Variants in KANK4 observed in about 807,000 individuals in gnomAD.
KANK4 encodes KN motif and ankyrin repeat domain-containing protein 4.
Under a neutral mutation model 80.8 loss-of-function variants are expected in KANK4, and 50 were observed. The ratio of observed to expected loss-of-function variants is 0.62; its 90% CI spans 0.49 to 0.78. The LOEUF (loss-of-function observed/expected upper bound fraction) is 0.78, where lower values mean the gene tolerates loss of function less well. Among genes scored for constraint, KANK4 ranks in the 30% least tolerant of loss-of-function variants. The pLI is 0.00. For missense variants in KANK4, 1,196 were observed against 1,240.1 expected (o/e 0.96, Z 0.53); for synonymous variants, 465 against 506.9 (o/e 0.92, Z 1.11).
chr1:62,285,592 G>C (rs1299723658), intron 1 of KANK4, among the ~76,000 whole-genome samples: 1 of 152,048 alleles, frequency 6.6e-6, no homozygotes, highest in African/African-American at 2.4e-5. Flanking sequence ...CCCAGAGCAG[G>C]CTGCATGCCA....
chr1:62,287,643 T>C (rs1672598483), intron 1 of KANK4, among the ~76,000 whole-genome samples: 1 of 152,126 alleles, frequency 6.6e-6, no homozygotes, highest in South Asian at 2.1e-4. Context: ...ACAGTCTAAG[T>C]GGTTTCTCTT....
At chr1:62,249,163 C>CAA (rs10695105) in intron 8 of KANK4, among the ~76,000 whole-genome samples, 7 of 136,386 alleles carry the variant, frequency 5.1e-5, no homozygotes, top group Admixed American at 7.4e-5. Context: ...AAATCTGTCT[C>CAA]AAAAAAAAAA....
chr1:62,248,333 T>C (rs1671521848), intron 8 of KANK4, among the ~76,000 whole-genome samples: 1 of 152,194 alleles, frequency 6.6e-6, no homozygotes, highest in Non-Finnish European at 1.5e-5. Flanking sequence ...TAATGCATGA[T>C]TCAGGCCACA....
Position 62,319,311 on chromosome 1 carries a change from C to G in KANK4, c.-276G>C, listed in dbSNP as rs566691168. The G allele has an allele frequency of 6.6e-6, 1 of 152,022 alleles. No homozygotes were observed. Among genetic ancestry groups the G allele is most frequent in the African/African-American group, 2.4e-5 (1 of 41,524 alleles). The allele number at this position is 152,022 out of a possible 1,614,324, so 9.4% of individuals were successfully genotyped here. A position where few individuals can be genotyped will look rare whatever the true frequency, so the allele number is the denominator to read the frequency against. On this transcript the variant is annotated 5_prime_UTR_variant, in exon 1 of 10. Transcript: ENST00000371153. ...TCTGGCCGACGGTCTCGGCCCTGGCCCCGGCGCACCCCTGCGGGCACACCC... is the reference window on the plus strand; with the variant it reads ...TCTGGCCGACGGTCTCGGCCCTGGCGCCGGCGCACCCCTGCGGGCACACCC...
chr1:62,268,363 C>G lies in KANK4; in HGVS notation c.2155G>C (p.Gly719Arg), dbSNP rs376946344. ...DAHLTCEAGQ[G>R]IPEGTCHAAQ... ...GCATGGCAGGTGCCCTCAGGGATGCCCTGCCCAGCCTCGCAGGTGAGATGG... is the reference window on the plus strand; with the variant it reads ...GCATGGCAGGTGCCCTCAGGGATGCGCTGCCCAGCCTCGCAGGTGAGATGG... Residue 719 changes from glycine (G) to arginine (R), a missense_variant, in exon 5 of 10, where the codon GGC becomes CGC. Gly to Arg is a moderately radical substitution (Grantham distance 125). This residue lies in a region of KANK4 where 1,154 missense variants were observed against 1,179.6 expected (regional missense o/e 0.98). Coordinates refer to ENST00000371153, the MANE Select transcript of KANK4 (RefSeq NM_181712.5). The G allele has an allele frequency of 3.1e-6, 5 of 1,613,976 alleles. No individual in the cohort carries two copies. The African/African-American group carries it at 5.3e-5, about 17-fold the overall frequency.
chr1:62,289,123 T>C (rs767973664), intron 1 of KANK4, among the ~76,000 whole-genome samples: 5 of 152,100 alleles, frequency 3.3e-5, no homozygotes, highest in Non-Finnish European at 5.9e-5. Context: ...AAGACATAGG[T>C]TTTAGTTTCT....
chr1:62,247,460 T>C lies in KANK4; in HGVS notation c.2883+12A>G. 1.2e-6 allele frequency: 2 copies of C among 1,613,268 alleles called. No homozygotes were observed. The highest frequency in any genetic ancestry group is 1.3e-5 in the African/African-American group (1 of 75,028). On this transcript the variant is annotated intron_variant, in intron 9 of 9. Coordinates refer to ENST00000371153, the MANE Select transcript of KANK4 (RefSeq NM_181712.5). ...CAGCAACAGCTACTTGTTAATTGCCTGTAAGTCTCACCTTGTCAGTCAGGC... is the reference window on the plus strand; with the variant it reads ...CAGCAACAGCTACTTGTTAATTGCCCGTAAGTCTCACCTTGTCAGTCAGGC...
intron 9 of KANK4, 118 bp from the exon 10 acceptor site, chr1:62,238,499 C>T: frequency 1.3e-6 from 1 of 742,490 alleles, no homozygotes; most frequent in South Asian, 1.7e-5. Context: ...TTAAGGCTTC[C>T]AGAGACCTCG....
At chr1:62,244,199 A>ATTT (rs370676636) in intron 9 of KANK4, among the ~76,000 whole-genome samples, 1 of 138,114 alleles carries the variant, frequency 7.2e-6, no homozygotes, top group Non-Finnish European at 1.6e-5. Flanking sequence ...TTTATTTTTT[A>ATTT]TTTTTTTTTT....
chr1:62,281,760 G>A (rs1377977869), intron 1 of KANK4, 126 bp from the exon 2 acceptor site: 4 of 654,926 alleles, frequency 6.1e-6, no homozygotes, highest in Non-Finnish European at 1.1e-5. Context: ...TGAGCTCACA[G>A]CCCTCCAAGG....
At chr1:62,239,749 G>C (rs61775739) in intron 9 of KANK4, among the ~76,000 whole-genome samples, 1 of 152,076 alleles carries the variant, frequency 6.6e-6, no homozygotes, top group Non-Finnish European at 1.5e-5. Context: ...CCACCTATGA[G>C]TGAGAACATG....
chr1:62,267,678 T>C (rs970471319), intron 5 of KANK4, among the ~76,000 whole-genome samples: 1 of 151,986 alleles, frequency 6.6e-6, no homozygotes, highest in African/African-American at 2.4e-5. Context: ...GGTGAGCACC[T>C]GTAGTCCCAG....
At chr1:62,289,431 AG>A (rs1266922611) in intron 1 of KANK4, among the ~76,000 whole-genome samples, 1 of 152,064 alleles carries the variant, frequency 6.6e-6, no homozygotes, top group African/African-American at 2.4e-5. Context: ...GTTGATGAGG[AG>A]GGGACTCACC....
chr1:62,306,799 GTAATA>G (rs919165771), intron 1 of KANK4, among the ~76,000 whole-genome samples: 29 of 152,242 alleles, frequency 1.9e-4, no homozygotes, highest in African/African-American at 6.3e-4. Flanking sequence ...TAGAGGAATA[GTAATA>G]TAATATAACA....
intron 9 of KANK4, among the ~76,000 whole-genome samples, chr1:62,246,455 G>A (rs1386367451): frequency 6.6e-6 from 1 of 152,166 alleles, no homozygotes; most frequent in Non-Finnish European, 1.5e-5. Context: ...AAGCCCACAT[G>A]CTGTTATTGC....
At chr1:62,240,111 A>T (rs1206850451) in intron 9 of KANK4, among the ~76,000 whole-genome samples, 1 of 152,206 alleles carries the variant, frequency 6.6e-6, no homozygotes, top group Non-Finnish European at 1.5e-5. Flanking sequence ...CAATGGTTGA[A>T]CTAGCTTACA....
rs146927673 is a variant in KANK4 at position 62,273,343 on chromosome 1, G to C, written c.1761C>G (p.Ser587Arg). The change falls in exon 3 of 10, where the codon AGC becomes AGG. Residue 587 changes from serine (S) to arginine (R), a missense_variant. Coordinates refer to ENST00000371153, the MANE Select transcript of KANK4 (RefSeq NM_181712.5). ...CLEHGYPELA[S>R]AIKQPASKLS... The stretch of plus-strand genomic sequence containing the variant: ...GCTTGGAGGCTGGCTGCTTGATGGC[G>C]CTGGCCAGCTCCGGGTACCCATGCT... The C allele has an allele frequency of 1.8e-5, 29 of 1,608,204 alleles. No homozygotes were observed. The Admixed American group carries it at 3.0e-4, about 17-fold the overall frequency.
intron 9 of KANK4, among the ~76,000 whole-genome samples, chr1:62,240,794 G>A (rs937768942): frequency 1.3e-5 from 2 of 152,142 alleles, no homozygotes; most frequent in African/African-American, 2.4e-5. Flanking sequence ...GGTGATGCAG[G>A]AAGCTGGCAG....
intron 7 of KANK4, among the ~76,000 whole-genome samples, chr1:62,258,779 AG>A (rs1671811216): frequency 6.6e-6 from 1 of 152,148 alleles, no homozygotes; most frequent in Non-Finnish European, 1.5e-5. Context: ...AGAAAGAAAG[AG>A]GGTTCTCCCC....
Sources: allele counts gnomAD v4.1 joint callset (sites outside exome capture counted in the v4.1 genomes callset), GRCh38; gene constraint gnomAD v4.1.1; regional missense constraint gnomAD v4.1.1; transcripts MANE v1.5; gene names NCBI Gene and HGNC (gene_info 2026-07-23, HGNC 2026-07-21).